Variants in NTF3 observed in about 807,000 individuals in gnomAD.
NTF3 encodes the protein neurotrophin-3.
NTF3 carries 8 observed loss-of-function variants against 26.3 expected under a neutral mutation model. That is an observed-to-expected ratio of 0.30 (90% CI 0.18 to 0.55). NTF3 has a LOEUF of 0.55. NTF3 is among the 20% of genes least tolerant of loss of function. The pLI is 0.93. For missense variants in NTF3, 276 were observed against 352.9 expected (o/e 0.78, Z 1.75); for synonymous variants, 154 against 145.5 (o/e 1.06, Z -0.42).
intron 1 of NTF3, among the ~76,000 whole-genome samples, chr12:5,462,999 A>G (rs1940542405): frequency 6.6e-6 from 1 of 152,172 alleles, no homozygotes; most frequent in Non-Finnish European, 1.5e-5. Context: ...GATGATTTGC[A>G]GGCAGGAGGA....
At chr12:5,484,535 G>T (rs1250958833) in intron 1 of NTF3, among the ~76,000 whole-genome samples, 4 of 152,048 alleles carry the variant, frequency 2.6e-5, no homozygotes, top group Non-Finnish European at 1.5e-5. Context: ...TTCTTTATGG[G>T]CACATGTGTG....
At chr12:5,492,745 T>A (rs1218173475) in intron 1 of NTF3, among the ~76,000 whole-genome samples, 1 of 152,142 alleles carries the variant, frequency 6.6e-6, no homozygotes, top group Admixed American at 6.5e-5. Context: ...GTTGTTGACC[T>A]CTAGGGACAA....
At chr12:5,480,017 A>T (rs1940768036) in intron 1 of NTF3, among the ~76,000 whole-genome samples, 1 of 152,188 alleles carries the variant, frequency 6.6e-6, no homozygotes, top group Non-Finnish European at 1.5e-5. Flanking sequence ...GGTCTCAAGG[A>T]AAAAGAACTA....
intron 1 of NTF3, among the ~76,000 whole-genome samples, chr12:5,438,485 G>A (rs1009726049): frequency 4.6e-5 from 7 of 152,146 alleles, no homozygotes; most frequent in Non-Finnish European, 7.3e-5. Context: ...AGATTTTGAC[G>A]TGAAATTTCG....
chr12:5,473,376 G>A (rs577963812), intron 1 of NTF3, among the ~76,000 whole-genome samples: 2 of 152,312 alleles, frequency 1.3e-5, no homozygotes, highest in East Asian at 1.9e-4. Flanking sequence ...GTTCCCTGAC[G>A]TGGTAGGAAG....
intron 1 of NTF3, among the ~76,000 whole-genome samples, chr12:5,457,570 A>T (rs1366453436): frequency 6.6e-5 from 10 of 150,774 alleles, no homozygotes; most frequent in Admixed American, 6.6e-4. Flanking sequence ...CTCTCCATAC[A>T]CTCTCCATAG....
chr12:5,478,554 T>C (rs1591604122), intron 1 of NTF3, among the ~76,000 whole-genome samples: 1 of 152,244 alleles, frequency 6.6e-6, no homozygotes, highest in African/African-American at 2.4e-5. Context: ...TGCGGCCCGA[T>C]AGGCCTCCCC....
intron 1 of NTF3, among the ~76,000 whole-genome samples, chr12:5,483,109 GTCTC>G (rs1372701313): frequency 2.0e-5 from 3 of 147,640 alleles, no homozygotes; most frequent in Non-Finnish European, 4.5e-5. Context: ...CTCTCCCTCA[GTCTC>G]TCTCTGTCTC....
rs1940983057 is a variant in NTF3 at position 5,494,556 on chromosome 12, C to T, written c.381C>T (p.Pro127=). The T allele has an allele frequency of 1.9e-6, 3 of 1,613,988 alleles. No homozygotes were observed. The highest frequency in any genetic ancestry group is 1.7e-5 in the Admixed American group (1 of 60,004). The part of the protein sequence containing the change: ...VLLSDSTPLE[P]PPLYLMEDYV... ...TGAGCGACAGCACCCCCTTGGAGCC[C>T]CCGCCCTTGTATCTCATGGAGGATT... The change falls in exon 2 of 2, where the codon CCC becomes CCT. Residue 127 remains proline (P), a synonymous_variant. Coordinates refer to ENST00000423158, the MANE Select transcript of NTF3 (RefSeq NM_001102654.2). The surrounding 1 kb of genome is among the most constrained non-coding windows in gnomAD (Gnocchi z 8.3).
rs762914484 is a variant in NTF3, at chr12:5,432,299, T to A, written c.-26T>A. The stretch of plus-strand genomic sequence containing the variant: ...GTCCACCTTTCTCTTCATGTCGACG[T>A]CCCTGGAAACGGCCACACGGATGCC... On this transcript the variant is annotated 5_prime_UTR_variant, in exon 1 of 2. Transcript: ENST00000423158. 6.8e-6 allele frequency: 11 copies of A among 1,612,102 alleles called. No individual in the cohort carries two copies. Among genetic ancestry groups the A allele is most frequent in the Middle Eastern group, 1.6e-4 (1 of 6,078 alleles).
At chr12:5,470,782 T>A (rs1207280876) in intron 1 of NTF3, among the ~76,000 whole-genome samples, 1 of 152,228 alleles carries the variant, frequency 6.6e-6, no homozygotes, top group Non-Finnish European at 1.5e-5. Flanking sequence ...ATTCCCCTTA[T>A]CTATGAAGTC....
intron 1 of NTF3, among the ~76,000 whole-genome samples, chr12:5,447,358 A>G (rs1940318966): frequency 6.6e-6 from 1 of 152,254 alleles, no homozygotes; most frequent in African/African-American, 2.4e-5. Context: ...GTTAGGTACA[A>G]TGACTGAAGG....
At chr12:5,489,242 C>T (rs1036925898) in intron 1 of NTF3, among the ~76,000 whole-genome samples, 5 of 152,214 alleles carry the variant, frequency 3.3e-5, no homozygotes, top group African/African-American at 4.8e-5. Context: ...GGATTGATGG[C>T]CTCAAATCTC....
intron 1 of NTF3, among the ~76,000 whole-genome samples, chr12:5,470,127 T>C (rs1455981622): frequency 6.6e-6 from 1 of 152,102 alleles, no homozygotes; most frequent in African/African-American, 2.4e-5. Flanking sequence ...GGATTCACGG[T>C]GTTAGCCATG....
At chr12:5,477,253 T>C (rs1445213256) in intron 1 of NTF3, among the ~76,000 whole-genome samples, 1 of 152,200 alleles carries the variant, frequency 6.6e-6, no homozygotes, top group Non-Finnish European at 1.5e-5. Flanking sequence ...AGCTGAGCTA[T>C]AGTATTGCCA....
At chr12:5,447,260 G>A (rs1030547174) in intron 1 of NTF3, among the ~76,000 whole-genome samples, 1 of 152,202 alleles carries the variant, frequency 6.6e-6, no homozygotes, top group South Asian at 2.1e-4. Flanking sequence ...TGGACACTGG[G>A]CAATTTATTG....
At chr12:5,466,301 G>A (rs7974186) in intron 1 of NTF3, among the ~76,000 whole-genome samples, 38,550 of 152,144 alleles carry the variant, frequency 0.25, 5,303 homozygotes, top group East Asian at 0.5. Context: ...ATGCACTGTG[G>A]CGAGAGCAGC....
intron 1 of NTF3, among the ~76,000 whole-genome samples, chr12:5,492,946 T>C (rs1441338115): frequency 6.6e-6 from 1 of 152,190 alleles, no homozygotes; most frequent in Admixed American, 6.5e-5. Flanking sequence ...ATACCAAAGG[T>C]GAACCAGGGG....
Position 5,494,329 on chromosome 12 carries a change from A to G in NTF3, c.154A>G (p.Ile52Val). 6.2e-7 allele frequency: 1 copy of G among 1,614,094 alleles called. No homozygotes were observed. Among genetic ancestry groups the G allele is most frequent in the Non-Finnish European group, 8.5e-7 (1 of 1,180,024 alleles). ...DSLNSLIIKL[I>V]QADILKNKLS... Reference sequence around the variant, plus strand: ...GCTCAATTCCCTCATTATTAAGCTGATCCAGGCAGATATTTTGAAAAACAA... The same window carrying G: ...GCTCAATTCCCTCATTATTAAGCTGGTCCAGGCAGATATTTTGAAAAACAA... The change falls in exon 2 of 2, where the codon ATC becomes GTC. Residue 52 changes from isoleucine to valine, a missense_variant. Ile to Val is a conservative substitution (Grantham distance 29). Coordinates refer to ENST00000423158, the MANE Select transcript of NTF3 (RefSeq NM_001102654.2). This position sits in a 1 kb window ranked among gnomAD's most constrained non-coding sequence, Gnocchi z 8.3.
Sources: gnomAD v4.1 joint callset for allele counts (sites outside exome capture counted in the v4.1 genomes callset) on GRCh38, gnomAD v4.1.1 for gene constraint, Gnocchi (gnomAD v3.1) non-coding constraint, MANE v1.5 for transcripts, NCBI Gene and HGNC (gene_info 2026-07-23, HGNC 2026-07-21) for gene names.